ACBD6: variants seen among roughly 807,000 people sequenced by gnomAD.
ACBD6 encodes the protein acyl-CoA-binding domain-containing protein 6.
ACBD6 carries 28 observed loss-of-function variants against 37.2 expected under a neutral mutation model. The observed-to-expected ratio is 0.75, with a 90% confidence interval of 0.56 to 1.03. ACBD6 has a LOEUF of 1.03. Ranked by LOEUF, ACBD6 falls within the 50% of genes least tolerant of loss-of-function variation. ACBD6 has a pLI of 0.00. For synonymous variants in ACBD6, 113 were observed against 126.8 expected (o/e 0.89, Z 0.73); for missense variants, 340 against 337.4 (o/e 1.01, Z -0.06).
chr1:180,350,803 C>T (rs185431122), intron 6 of ACBD6, among the ~76,000 whole-genome samples: 221 of 152,286 alleles, frequency 1.5e-3, no homozygotes, highest in African/African-American at 5.0e-3. Flanking sequence ...TCTTCCAATG[C>T]ACTTGCAGAT....
At chr1:180,297,516 A>T (rs904911090) in intron 7 of ACBD6, among the ~76,000 whole-genome samples, 4 of 152,168 alleles carry the variant, frequency 2.6e-5, no homozygotes, top group African/African-American at 9.7e-5. Context: ...GAAAACATAG[A>T]GGCAGGCAAG....
intron 6 of ACBD6, among the ~76,000 whole-genome samples, chr1:180,391,349 T>G (rs146149991): frequency 6.6e-6 from 1 of 152,052 alleles, no homozygotes; most frequent in Non-Finnish European, 1.5e-5. Context: ...AAGGACACTA[T>G]CAAGCAAGTA....
chr1:180,305,917 C>T (rs1451831088), intron 7 of ACBD6, among the ~76,000 whole-genome samples: 1 of 151,926 alleles, frequency 6.6e-6, no homozygotes, highest in African/African-American at 2.4e-5. Flanking sequence ...TACTATGCAG[C>T]CATAAAAATG....
chr1:180,343,989 G>A (rs1279630941), intron 6 of ACBD6, among the ~76,000 whole-genome samples: 2 of 152,110 alleles, frequency 1.3e-5, no homozygotes, highest in Non-Finnish European at 2.9e-5. Flanking sequence ...ATAGGGCCCA[G>A]AGTAGGGAAA....
intron 9 of ACBD6, among the ~76,000 whole-genome samples, chr1:180,280,406 A>T (rs1301411508): frequency 6.6e-6 from 1 of 152,036 alleles, no homozygotes; most frequent in Admixed American, 6.5e-5. Context: ...GGTACAAAGC[A>T]GGAGGTTGGG....
chr1:180,369,215 C>G (rs1653164754), intron 6 of ACBD6, among the ~76,000 whole-genome samples: 1 of 152,238 alleles, frequency 6.6e-6, no homozygotes, highest in African/African-American at 2.4e-5. Context: ...AGGGCTCCAA[C>G]CCATATCACA....
intron 2 of ACBD6, among the ~76,000 whole-genome samples, chr1:180,494,988 T>A (rs536193747): frequency 1.3e-5 from 2 of 152,282 alleles, no homozygotes; most frequent in Admixed American, 1.3e-4. Flanking sequence ...TAAGCAGTTA[T>A]TTACTGTGGC....
intron 6 of ACBD6, among the ~76,000 whole-genome samples, chr1:180,368,156 T>C (rs780738142): frequency 1.3e-5 from 2 of 152,236 alleles, no homozygotes; most frequent in African/African-American, 2.4e-5. Flanking sequence ...TGACCTTTTT[T>C]TTCATATGCT....
chr1:180,373,477 C>T (rs922939426), intron 6 of ACBD6, among the ~76,000 whole-genome samples: 1 of 152,144 alleles, frequency 6.6e-6, no homozygotes, highest in Non-Finnish European at 1.5e-5. Flanking sequence ...CTATAGCTGG[C>T]TAATGCATAA....
chr1:180,476,160 TA>T (rs1179978436), intron 3 of ACBD6, among the ~76,000 whole-genome samples: 1 of 152,230 alleles, frequency 6.6e-6, no homozygotes. Context: ...TATCCCCAGG[TA>T]AAATCATTTG....
At chr1:180,456,727 A>G (rs77620340) in intron 3 of ACBD6, among the ~76,000 whole-genome samples, 1 of 152,006 alleles carries the variant, frequency 6.6e-6, no homozygotes, top group East Asian at 1.9e-4. Flanking sequence ...GTTGATCTTT[A>G]AAATTTTTTT....
At chr1:180,379,500 G>A (rs1653562503) in intron 6 of ACBD6, among the ~76,000 whole-genome samples, 1 of 151,906 alleles carries the variant, frequency 6.6e-6, no homozygotes, top group Admixed American at 6.6e-5. Context: ...ACAACACACA[G>A]AAATCAGAAA....
chr1:180,350,814 G>A (rs1463450147), intron 6 of ACBD6, among the ~76,000 whole-genome samples: 1 of 152,058 alleles, frequency 6.6e-6, no homozygotes, highest in African/African-American at 2.4e-5. Context: ...ACTTGCAGAT[G>A]ATCTCTCATT....
At chr1:180,450,138 A>G (rs2102025369) in intron 3 of ACBD6, among the ~76,000 whole-genome samples, 1 of 152,298 alleles carries the variant, frequency 6.6e-6, no homozygotes, top group South Asian at 2.1e-4. Flanking sequence ...AAAAAAAGAC[A>G]GGATTTTAGT....
chr1:180,350,023 CTTTTTTTTTT>C (rs371542775), intron 6 of ACBD6, among the ~76,000 whole-genome samples: 2 of 65,554 alleles, frequency 3.1e-5, no homozygotes, highest in African/African-American at 8.1e-5. Flanking sequence ...TCCAGTGACC[CTTTTTTTTTT>C]TTTTTTTTTT....
At chr1:180,394,102 G>GC (rs1391432402) in intron 6 of ACBD6, among the ~76,000 whole-genome samples, 1 of 152,136 alleles carries the variant, frequency 6.6e-6, no homozygotes, top group Non-Finnish European at 1.5e-5. Flanking sequence ...CTGTTTTGTT[G>GC]TTTTTTAGAG....
At chr1:180,339,490 T>G (rs1003844976) in intron 6 of ACBD6, among the ~76,000 whole-genome samples, 37 of 151,646 alleles carry the variant, frequency 2.4e-4, no homozygotes, top group African/African-American at 8.7e-4. Context: ...ATGAGAATAT[T>G]TGGACACAGG....
Position 180,295,185 on chromosome 1 carries a change from G to C in ACBD6, c.695-6668C>G, listed in dbSNP as rs577432056. ...AATTTGCCCTTCTTTTTTTGAGATAGAAGCTTGGATCACTGATATGAAATC... is the reference window on the plus strand; with the variant it reads ...AATTTGCCCTTCTTTTTTTGAGATACAAGCTTGGATCACTGATATGAAATC... On this transcript the variant is annotated intron_variant, in intron 7 of 7. Coordinates refer to ENST00000367595, the MANE Select transcript of ACBD6 (RefSeq NM_032360.4). Among the ~76,000 whole-genome samples, 3 of 152,028 alleles carry C rather than the reference G, an allele frequency of 2.0e-5. No individual in the cohort carries two copies. In the South Asian group the frequency reaches 6.2e-4, roughly 32 times the overall value.
intron 7 of ACBD6, among the ~76,000 whole-genome samples, chr1:180,289,304 A>T (rs1384532785): frequency 6.6e-6 from 1 of 152,202 alleles, no homozygotes; most frequent in African/African-American, 2.4e-5. Context: ...GACTCACTAA[A>T]GGCAAAAAGA....
Sources: gnomAD v4.1 joint callset for allele counts (sites outside exome capture counted in the v4.1 genomes callset) on GRCh38, gnomAD v4.1.1 for gene constraint, MANE v1.5 for transcripts, NCBI Gene and HGNC (gene_info 2026-07-23, HGNC 2026-07-21) for gene names.